SLC14A2: variants seen among roughly 807,000 people sequenced by gnomAD.
The protein encoded by SLC14A2 is urea transporter 2.
In SLC14A2, 91 loss-of-function variants were observed where a neutral mutation model predicts 104.6. The ratio of observed to expected loss-of-function variants is 0.87; its 90% confidence interval spans 0.73 to 1.04. The LOEUF is 1.04. Ranked by LOEUF, SLC14A2 falls within the 50% of genes least tolerant of loss-of-function variation. SLC14A2 has a pLI of 0.00. For synonymous variants in SLC14A2, 476 were observed against 466.4 expected, an observed-to-expected ratio of 1.02 and a Z score of -0.27; for missense variants, 1,189 against 1,156.0, an observed-to-expected ratio of 1.03 and a Z score of -0.41.
Position 45,667,826 on chromosome 18 carries a change from A to G in SLC14A2, c.1718-7A>G. 1 of 1,613,418 alleles carries G rather than the reference A, an allele frequency of 6.2e-7. No homozygotes were observed. Among genetic ancestry groups the G allele is most frequent in the Non-Finnish European group, 8.5e-7 (1 of 1,179,402 alleles). ...CTTGCCTACTTCCTGCCCCGGTTCC[A>G]TTTCAGACAAGTCCCCAGTGTTCCA... On this transcript the variant is annotated splice_polypyrimidine_tract_variant and splice_region_variant and intron_variant, in intron 13 of 19. Coordinates refer to ENST00000255226, the MANE Select transcript of SLC14A2 (RefSeq NM_007163.4).
intron 1 of SLC14A2, among the ~76,000 whole-genome samples, chr18:45,414,749 AAAAAAAAAATATAT>A (rs1568189964): frequency 1.6e-5 from 1 of 61,020 alleles, no homozygotes; most frequent in African/African-American, 8.4e-5. Context: ...GAGCGTAAAA[AAAAAAAAAATATAT>A]ATATATATAT....
intron 18 of SLC14A2, among the ~76,000 whole-genome samples, chr18:45,677,162 A>G (rs1017090458): frequency 5.9e-5 from 9 of 152,188 alleles, no homozygotes; most frequent in African/African-American, 2.2e-4. Context: ...TGCAAGCCCT[A>G]TAGCCACACA....
chr18:45,370,823 G>A (rs775753570), intron 1 of SLC14A2, among the ~76,000 whole-genome samples: 16 of 152,220 alleles, frequency 1.1e-4, no homozygotes, highest in Non-Finnish European at 2.2e-4. Context: ...GCTGGAATTG[G>A]AAACGGTCCA....
the SLC14A2 span, among the ~76,000 whole-genome samples, chr18:45,185,565 A>C: frequency 1.3e-5 from 2 of 152,206 alleles, no homozygotes; most frequent in Admixed American, 6.5e-5. Flanking sequence ...ATAGAATGTT[A>C]TCTCTCTAAA....
chr18:45,265,448 T>C (rs2084582721), intron 1 of SLC14A2, among the ~76,000 whole-genome samples: 1 of 152,162 alleles, frequency 6.6e-6, no homozygotes, highest in Admixed American at 6.6e-5. Flanking sequence ...TCCTCTAAGG[T>C]CCTTTTGAAA....
intron 1 of SLC14A2, among the ~76,000 whole-genome samples, chr18:45,432,915 T>A (rs922248481): frequency 3.9e-5 from 6 of 152,180 alleles, no homozygotes; most frequent in African/African-American, 1.4e-4. Flanking sequence ...TTTTGTACAT[T>A]TTTTGTGCAA....
chr18:45,230,220 C>T (rs1599592490), intron 1 of SLC14A2, among the ~76,000 whole-genome samples: 2 of 152,120 alleles, frequency 1.3e-5, no homozygotes, highest in Admixed American at 1.3e-4. Context: ...CTATTGCTGA[C>T]AATAAAAAAT....
At chr18:45,523,497 T>C (rs1326547866) in intron 2 of SLC14A2, among the ~76,000 whole-genome samples, 1 of 150,240 alleles carries the variant, frequency 6.7e-6, no homozygotes, top group Admixed American at 6.6e-5. Flanking sequence ...ACCCAGCTTT[T>C]TTTTTTTTTT....
rs1418620559 is a variant in SLC14A2 at position 45,478,308 on chromosome 18, C to T, written c.-124-4925C>T. The stretch of plus-strand genomic sequence containing the variant: ...CCTGCTTCTGCTCGCCCTAAATGGG[C>T]TGGATCCACTGTCTAACCAGTCCCA... On this transcript the variant is annotated intron_variant, in intron 1 of 20. Coordinates refer to the SLC14A2 transcript ENST00000586448. 2.6e-5 allele frequency among the ~76,000 whole-genome samples: 4 copies of T among 152,324 alleles called. No individual in the cohort carries two copies. In the East Asian group the frequency reaches 7.7e-4, roughly 29 times the overall value.
intron 10 of SLC14A2, among the ~76,000 whole-genome samples, chr18:45,652,587 C>T (rs751185177): frequency 3.3e-5 from 5 of 152,200 alleles, no homozygotes; most frequent in Non-Finnish European, 5.9e-5. Flanking sequence ...GTGGTCAATG[C>T]AGGCCTCCTC....
intron 2 of SLC14A2, among the ~76,000 whole-genome samples, chr18:45,486,525 G>T (rs1246464515): frequency 6.6e-6 from 1 of 152,074 alleles, no homozygotes; most frequent in Non-Finnish European, 1.5e-5. Context: ...TGTATTTGCA[G>T]GTCCACTAGC....
intron 1 of SLC14A2, among the ~76,000 whole-genome samples, chr18:45,340,581 G>A (rs1028519350): frequency 2.0e-5 from 3 of 152,134 alleles, no homozygotes; most frequent in Non-Finnish European, 4.4e-5. Context: ...GTAATTCAAG[G>A]TATATTTGCT....
intron 1 of SLC14A2, among the ~76,000 whole-genome samples, chr18:45,338,350 G>A (rs2085357095): frequency 6.6e-6 from 1 of 152,004 alleles, no homozygotes; most frequent in South Asian, 2.1e-4. Context: ...ACAGGCGCTT[G>A]CCACCACACC....
At chr18:45,393,237 A>G (rs2085991490) in intron 1 of SLC14A2, among the ~76,000 whole-genome samples, 1 of 152,224 alleles carries the variant, frequency 6.6e-6, no homozygotes, top group Admixed American at 6.5e-5. Flanking sequence ...AATAGGATAT[A>G]TGTATATAAA....
chr18:45,465,556 GCCTC>G (rs1404138740), intron 1 of SLC14A2, among the ~76,000 whole-genome samples: 2 of 152,016 alleles, frequency 1.3e-5, no homozygotes, highest in Non-Finnish European at 2.9e-5. Flanking sequence ...TGGGCCCGAA[GCCTC>G]CCTCCCTCCC....
chr18:45,655,206 G>A (rs534280416), intron 10 of SLC14A2, among the ~76,000 whole-genome samples: 2 of 152,334 alleles, frequency 1.3e-5, no homozygotes, highest in Non-Finnish European at 2.9e-5. Context: ...GACAGTGGAT[G>A]TGTCTGGAAG....
At position 45,626,995 on chromosome 18, in the gene SLC14A2, G is replaced by C; in HGVS notation, c.369G>C (p.Leu123=). Residue 123 remains leucine, a synonymous_variant, in exon 4 of 20, where the codon CTG becomes CTC. Transcript: ENST00000255226. ...HLALQFIDWV[L]RGTAQVMFIN... ...CCCTCCAGTTCATAGACTGGGTCCT[G>C]AGAGGGACCGCTCAGGTGATGTTCA... 1 of 1,612,604 alleles carries C rather than the reference G, an allele frequency of 6.2e-7. No individual in the cohort carries two copies. Among genetic ancestry groups the C allele is most frequent in the Admixed American group, 1.7e-5 (1 of 60,026 alleles).
At chr18:45,679,127 C>A in intron 19 of SLC14A2, 103 bp downstream of exon 19, 1 of 1,031,008 alleles carries the variant, frequency 9.7e-7, no homozygotes, top group Non-Finnish European at 1.5e-6. Context: ...AACTCTTCCC[C>A]AGTTCATCTC....
intron 10 of SLC14A2, among the ~76,000 whole-genome samples, chr18:45,648,806 A>C (rs1402800408): frequency 6.7e-6 from 1 of 149,214 alleles, no homozygotes; most frequent in Admixed American, 6.6e-5. Context: ...TTGTTTTTTC[A>C]TTGTTCTCGT....
Sources: gnomAD v4.1 joint callset for allele counts (sites outside exome capture counted in the v4.1 genomes callset) on GRCh38, gnomAD v4.1.1 for gene constraint, MANE v1.5 for transcripts, NCBI Gene and HGNC (gene_info 2026-07-23, HGNC 2026-07-21) for gene names.